Variants in CADPS2 observed in about 807,000 individuals in gnomAD.
CADPS2 encodes calcium-dependent secretion activator 2.
Under a neutral mutation model 172.5 loss-of-function variants are expected in CADPS2, and 93 were observed. That is an observed-to-expected ratio of 0.54 (90% CI 0.46 to 0.64). CADPS2 has a LOEUF of 0.64. Ranked by LOEUF, CADPS2 falls within the 30% of genes least tolerant of loss-of-function variation. The pLI is 0.00. For missense variants in CADPS2, 1,420 were observed against 1,565.9 expected (o/e 0.91, Z 1.57); for synonymous variants, 546 against 555.2 (o/e 0.98, Z 0.23).
intron 1 of CADPS2, among the ~76,000 whole-genome samples, chr7:122,882,617 C>CTTTTT (rs35781696): frequency 2.9e-5 from 4 of 136,866 alleles, no homozygotes; most frequent in Non-Finnish European, 3.1e-5. Context: ...CCAAGGAACC[C>CTTTTT]TTTTTTTTTT....
At chr7:122,732,932 T>A (rs1262389818) in intron 2 of CADPS2, among the ~76,000 whole-genome samples, 1 of 147,334 alleles carries the variant, frequency 6.8e-6, no homozygotes, top group East Asian at 1.9e-4. Flanking sequence ...ATAATACATA[T>A]TATATACAGA....
At position 122,633,105 on chromosome 7, in the gene CADPS2, A is replaced by T. The variant is rs565009198; in HGVS notation, c.787-3777T>A. Among the ~76,000 whole-genome samples the T allele has an allele frequency of 2.0e-5, 3 of 152,244 alleles. No individual in the cohort carries two copies. The South Asian group carries it at 6.2e-4, about 32-fold the overall frequency. ...GCTGTTTTGGTTACTTTAGCCTTAT[A>T]GTATACTTTGAATTTGGGTAGTGTG... On this transcript the variant is annotated intron_variant, in intron 3 of 29. Transcript: ENST00000449022.
chr7:122,709,837 C>T (rs926921355), intron 2 of CADPS2, among the ~76,000 whole-genome samples: 4 of 151,730 alleles, frequency 2.6e-5, no homozygotes, highest in African/African-American at 9.7e-5. Context: ...TGTTCTCACT[C>T]ATAGATGGGA....
At chr7:122,338,277 G>C (rs887370558) in intron 28 of CADPS2, among the ~76,000 whole-genome samples, 1 of 152,130 alleles carries the variant, frequency 6.6e-6, no homozygotes, top group Non-Finnish European at 1.5e-5. Context: ...CGCACCTGTA[G>C]TCCCAGCTAC....
Position 122,817,200 on chromosome 7 carries a change from G to C in CADPS2, c.339+68799C>G, listed in dbSNP as rs148421720. On this transcript the variant is annotated intron_variant, in intron 1 of 29. Coordinates refer to ENST00000449022, the MANE Select transcript of CADPS2 (RefSeq NM_017954.11). ...GAAATTTGGTGCTGTGACTCGGATG[G>C]GGGGACCTCCCTTGGGAGATCAATC... 1.1e-3 allele frequency among the ~76,000 whole-genome samples: 162 copies of C among 152,288 alleles called. 2 individuals carry two copies. In the East Asian group the frequency reaches 0.029, roughly 27 times the overall value.
At chr7:122,729,469 G>A (rs186485227) in intron 2 of CADPS2, among the ~76,000 whole-genome samples, 239 of 151,664 alleles carry the variant, frequency 1.6e-3, no homozygotes, top group African/African-American at 5.4e-3. Flanking sequence ...GGTTGTACTA[G>A]TTTACATTCC....
At chr7:122,718,739 G>A (rs1019525872) in intron 2 of CADPS2, among the ~76,000 whole-genome samples, 1 of 152,076 alleles carries the variant, frequency 6.6e-6, no homozygotes, top group Non-Finnish European at 1.5e-5. Flanking sequence ...TGGTCAAGCT[G>A]AAGCGCTGAC....
intron 20 of CADPS2, among the ~76,000 whole-genome samples, chr7:122,400,764 T>C (rs762348416): frequency 6.6e-6 from 1 of 152,230 alleles, no homozygotes; most frequent in Non-Finnish European, 1.5e-5. Context: ...GGTTTATGTA[T>C]ATCCAGATAT....
At chr7:122,738,095 G>T (rs980251700) in intron 1 of CADPS2, among the ~76,000 whole-genome samples, 1 of 152,050 alleles carries the variant, frequency 6.6e-6, no homozygotes, top group African/African-American at 2.4e-5. Context: ...TACAACCAAG[G>T]GTCCTTACCC....
intron 4 of CADPS2, among the ~76,000 whole-genome samples, chr7:122,628,841 C>A (rs2076314181): frequency 6.7e-6 from 1 of 149,644 alleles, no homozygotes; most frequent in South Asian, 2.2e-4. Context: ...AAATGTTAGT[C>A]AGAACCACTA....
chr7:122,430,875 G>C (rs2049818491), intron 17 of CADPS2, among the ~76,000 whole-genome samples: 1 of 152,146 alleles, frequency 6.6e-6, no homozygotes, highest in South Asian at 2.1e-4. Context: ...AGAATTGGAA[G>C]AATTCCCAAT....
At chr7:122,363,863 G>A (rs1250631016) in intron 25 of CADPS2, among the ~76,000 whole-genome samples, 3 of 152,144 alleles carry the variant, frequency 2.0e-5, no homozygotes, top group Non-Finnish European at 4.4e-5. Flanking sequence ...TGACAAAGAG[G>A]AATGAGTTTG....
chr7:122,345,918 C>CTTTTTTTTTTT (rs71159791), intron 27 of CADPS2, among the ~76,000 whole-genome samples: 3 of 138,754 alleles, frequency 2.2e-5, no homozygotes, highest in African/African-American at 5.3e-5. Flanking sequence ...CCGTAGATAT[C>CTTTTTTTTTTT]TTTTTTTTTT....
intron 29 of CADPS2, among the ~76,000 whole-genome samples, chr7:122,323,874 TATATATATATATATATATATATATATATA>T (rs2033186943): frequency 6.7e-5 from 1 of 15,000 alleles, no homozygotes; most frequent in African/African-American, 3.9e-4. Context: ...ATGTATATTT[TATATATATATATATATATATATATATATA>T]TATATATATA....
At chr7:122,676,206 C>T (rs911389229) in intron 2 of CADPS2, among the ~76,000 whole-genome samples, 4 of 152,110 alleles carry the variant, frequency 2.6e-5, no homozygotes, top group Non-Finnish European at 5.9e-5. Flanking sequence ...ACTGATTAGT[C>T]TGTTTACGAG....
intron 1 of CADPS2, among the ~76,000 whole-genome samples, chr7:122,801,778 A>AT (rs34202731): frequency 1.7e-4 from 25 of 149,918 alleles, no homozygotes; most frequent in African/African-American, 2.5e-4. Context: ...ATTTTTATTT[A>AT]TTTTTTTTTT....
rs117212957 is a variant in CADPS2 at position 122,332,795 on chromosome 7, C to T, written c.3613-7214G>A. On this transcript the variant is annotated intron_variant, in intron 28 of 29. Transcript: ENST00000449022. ...GCTCTTTCCAGTTCACTACTACTTTCAAAATACCCTTCATTCCAAAATGTC... is the reference window on the plus strand; with the variant it reads ...GCTCTTTCCAGTTCACTACTACTTTTAAAATACCCTTCATTCCAAAATGTC... Among the ~76,000 whole-genome samples, 997 of 152,260 alleles carry T rather than the reference C, an allele frequency of 6.5e-3. 7 individuals carry two copies. The highest frequency in any genetic ancestry group is 0.011 in the Non-Finnish European group (754 of 68,010).
chr7:122,503,396 C>T (rs141706978), intron 9 of CADPS2, among the ~76,000 whole-genome samples: 1 of 151,850 alleles, frequency 6.6e-6, no homozygotes, highest in Non-Finnish European at 1.5e-5. Flanking sequence ...TTCTATTGAA[C>T]ACGTTACTGA....
chr7:122,564,401 T>A (rs113435165), intron 7 of CADPS2, among the ~76,000 whole-genome samples: 1 of 151,902 alleles, frequency 6.6e-6, no homozygotes. Flanking sequence ...CTCTGCCTCC[T>A]AGGTTCAAGC....
Sources: allele counts gnomAD v4.1 joint callset (sites outside exome capture counted in the v4.1 genomes callset), GRCh38; gene constraint gnomAD v4.1.1; transcripts MANE v1.5; gene names NCBI Gene and HGNC (gene_info 2026-07-23, HGNC 2026-07-21).